The following DNAI4 variants were observed in gnomAD, a reference collection of about 807,000 sequenced individuals.
The protein encoded by DNAI4 is dynein axonemal intermediate chain 4.
DNAI4 carries 85 observed loss-of-function variants against 105.8 expected under a neutral mutation model. The ratio of observed to expected loss-of-function variants is 0.80; its 90% CI spans 0.67 to 0.96. The LOEUF (loss-of-function observed/expected upper bound fraction) is 0.96. DNAI4 is among the 40% of genes least tolerant of loss of function. The probability of loss-of-function intolerance (pLI) is 0.00; values close to 1 mark genes in which losing one functional copy is unlikely to be tolerated. For missense variants in DNAI4, 1,014 were observed against 1,005.6 expected (o/e 1.01, Z -0.11); for synonymous variants, 352 against 331.5 (o/e 1.06, Z -0.67).
At chr1:66,823,763 T>A (rs1645686390) in intron 15 of DNAI4, among the ~76,000 whole-genome samples, 1 of 149,300 alleles carries the variant, frequency 6.7e-6, no homozygotes, top group African/African-American at 2.5e-5. Context: ...GTTGTTTGTT[T>A]TTTTCTTGTA....
chr1:66,892,703 C>A (rs1255346982), intron 3 of DNAI4, among the ~76,000 whole-genome samples: 1 of 151,750 alleles, frequency 6.6e-6, no homozygotes, highest in Non-Finnish European at 1.5e-5. Flanking sequence ...GTCAGGAGTT[C>A]GAGATCAGTC....
At chr1:66,849,503 A>G (rs1275909446) in intron 7 of DNAI4, among the ~76,000 whole-genome samples, 1 of 152,206 alleles carries the variant, frequency 6.6e-6, no homozygotes, top group Non-Finnish European at 1.5e-5. Context: ...CCAGGTTTCA[A>G]TTGAAAGTCA....
Position 66,890,514 on chromosome 1 carries a change from G to T in DNAI4, c.643+640C>A, listed in dbSNP as rs185600310. 276 of 154,048 alleles carry T rather than the reference G, an allele frequency of 1.8e-3. 5 individuals are homozygous for T. The highest frequency in any genetic ancestry group is 4.9e-4 in the Non-Finnish European group (34 of 69,484). 9.5% of individuals were successfully genotyped at this position (154,048 alleles called of 1,614,324 possible). A position where few individuals can be genotyped will look rare whatever the true frequency, so the allele number is the denominator to read the frequency against. ...CTTGGGAGGCTGAGAGAGGAGAATT[G>T]CTTGAACCCAGGAGGCGGAGGTTGC... On this transcript the variant is annotated intron_variant, in intron 4 of 16. Transcript: ENST00000371026. The surrounding 1 kb of genome is among the most constrained non-coding windows in gnomAD (Gnocchi z 4.1).
At position 66,835,674 on chromosome 1, in the gene DNAI4, G is replaced by A. The variant is rs1427009415; in HGVS notation, c.1685C>T (p.Ala562Val). ...ACTGTTGCTCCGTACATTGTAAATT[G>A]CAATTGTGCCATTGTGATAGCCAAC... The part of the protein sequence containing the change: ...LAVGYHNGTI[A>V]IYNVRSNSNV... The change falls in exon 11 of 17, where the codon GCA becomes GTA. Residue 562 changes from alanine to valine, a missense_variant. By Grantham distance (64) the Ala-to-Val change is moderately conservative. Coordinates refer to ENST00000371026, the MANE Select transcript of DNAI4 (RefSeq NM_024763.5). 6 of 1,613,972 alleles carry A rather than the reference G, an allele frequency of 3.7e-6. No individual in the cohort carries two copies. In the East Asian group the frequency reaches 8.9e-5, roughly 24 times the overall value.
chr1:66,924,274 G>A (rs1441761416), intron 1 of DNAI4, among the ~76,000 whole-genome samples: 1 of 152,194 alleles, frequency 6.6e-6, no homozygotes, highest in Admixed American at 6.5e-5. Context: ...GGGTTCAAGG[G>A]ATTCTCCTGC....
chr1:66,847,462 C>T (rs1378214122), intron 8 of DNAI4, 22 bp downstream of exon 8: 1 of 1,605,672 alleles, frequency 6.2e-7, no homozygotes, highest in Non-Finnish European at 8.5e-7. Context: ...CCAGCCTAAA[C>T]ATGTTTATTT....
intron 7 of DNAI4, among the ~76,000 whole-genome samples, chr1:66,856,028 G>T (rs1184411268): frequency 3.3e-5 from 5 of 151,492 alleles, no homozygotes. Flanking sequence ...TAGAGATGGG[G>T]TTTTGCTATG....
At chr1:66,854,723 C>A (rs564015827) in intron 7 of DNAI4, among the ~76,000 whole-genome samples, 1 of 152,128 alleles carries the variant, frequency 6.6e-6, no homozygotes, top group African/African-American at 2.4e-5. Context: ...ATGGCTTGAA[C>A]CCGGGAGGAG....
chr1:66,882,522 C>A (rs987878406), intron 4 of DNAI4, among the ~76,000 whole-genome samples: 1 of 151,774 alleles, frequency 6.6e-6, no homozygotes, highest in Non-Finnish European at 1.5e-5. Flanking sequence ...CTCTCTCTCT[C>A]TCTTTTTTTT....
At chr1:66,833,768 T>C in intron 12 of DNAI4, 62 bp from the exon 13 acceptor site, 5 of 1,564,832 alleles carry the variant, frequency 3.2e-6, no homozygotes, top group Non-Finnish European at 4.3e-6. Context: ...ACCGCAAATA[T>C]CATGTGTGTT....
chr1:66,821,094 T>C (rs1487121318), intron 16 of DNAI4, among the ~76,000 whole-genome samples: 10 of 75,160 alleles, frequency 1.3e-4, no homozygotes, highest in African/African-American at 4.0e-4. Context: ...CATTTCTCTT[T>C]TTTTTTTTTT....
intron 13 of DNAI4, among the ~76,000 whole-genome samples, chr1:66,833,222 A>T (rs567861576): frequency 6.6e-6 from 1 of 152,216 alleles, no homozygotes; most frequent in Non-Finnish European, 1.5e-5. Flanking sequence ...TTTTAAAAAA[A>T]AGCTTTATTG....
intron 6 of DNAI4, among the ~76,000 whole-genome samples, chr1:66,866,794 T>A (rs966312233): frequency 6.6e-6 from 1 of 152,212 alleles, no homozygotes; most frequent in African/African-American, 2.4e-5. Context: ...GCAGTTGTAT[T>A]AGTCCATTTT....
rs567936166 is a variant in DNAI4, at chr1:66,887,898, G to A, written c.643+3256C>T. ...GGCCTGAACCCAGGAAGCAGAGGTTGTAGTGAGCCGAGATCGCACCACTGC... is the reference window on the plus strand; with the variant it reads ...GGCCTGAACCCAGGAAGCAGAGGTTATAGTGAGCCGAGATCGCACCACTGC... On this transcript the variant is annotated intron_variant, in intron 4 of 16. Coordinates refer to ENST00000371026, the MANE Select transcript of DNAI4 (RefSeq NM_024763.5). Among the ~76,000 whole-genome samples, 17 of 152,226 alleles carry A rather than the reference G, an allele frequency of 1.1e-4. No homozygotes were observed. In the South Asian group the frequency reaches 2.3e-3, roughly 20 times the overall value.
chr1:66,861,119 A>G (rs760037240), intron 7 of DNAI4, among the ~76,000 whole-genome samples: 3 of 152,182 alleles, frequency 2.0e-5, no homozygotes, highest in Non-Finnish European at 2.9e-5. Context: ...ATAGTCTCCT[A>G]AGGAAATGTA....
At chr1:66,833,546 T>C in intron 13 of DNAI4, 39 bp downstream of exon 13, 1 of 1,601,464 alleles carries the variant, frequency 6.2e-7, no homozygotes, top group Non-Finnish European at 8.5e-7. Flanking sequence ...TTTTTGGAAA[T>C]TGTTATGTCC....
In DNAI4 at chr1:66,826,951, A is replaced by C. The variant is rs756229556; in HGVS notation, c.2208T>G (p.Asn736Lys). 46 of 1,614,194 alleles carry C rather than the reference A, an allele frequency of 2.8e-5. No homozygotes were observed. The Middle Eastern group carries it at 9.9e-4, about 35-fold the overall frequency. The change falls in exon 15 of 17, where the codon AAT becomes AAG. Residue 736 changes from asparagine to lysine, a missense_variant. Physicochemically the swap from Asn to Lys is moderately conservative, Grantham distance 94. Coordinates refer to ENST00000371026, the MANE Select transcript of DNAI4 (RefSeq NM_024763.5). ...GATAAAAACTCAAAGATGGCTTGAC[A>C]TTCTCCTGTTGCCATATAATAACAC... ...DWGVIIWQQENVKPSLSFYPA... is the reference protein window; with the variant it reads ...DWGVIIWQQEKVKPSLSFYPA...
chr1:66,847,719 T>C (rs1312068553), intron 7 of DNAI4, 41 bp from the exon 8 acceptor site: 4 of 1,425,766 alleles, frequency 2.8e-6, no homozygotes, highest in Non-Finnish European at 3.9e-6. Context: ...AATATTCAAA[T>C]GGATGGTTCA....
rs562087222 is a variant in DNAI4, at chr1:66,829,889, A to G, written c.2014-1979T>C. Among the ~76,000 whole-genome samples the G allele has an allele frequency of 1.9e-4, 29 of 152,310 alleles. 1 individual carries two copies. The South Asian group carries it at 5.6e-3, about 29-fold the overall frequency. On this transcript the variant is annotated intron_variant, in intron 13 of 16. Coordinates refer to ENST00000371026, the MANE Select transcript of DNAI4 (RefSeq NM_024763.5). The stretch of plus-strand genomic sequence containing the variant: ...ATTTTCTCTAATTATGGTGGGATTG[A>G]ATTAGAAATTGGTAACAGAAAGAAC...
Sources: gnomAD v4.1 joint callset for allele counts (sites outside exome capture counted in the v4.1 genomes callset) on GRCh38, gnomAD v4.1.1 for gene constraint, Gnocchi (gnomAD v3.1) non-coding constraint, MANE v1.5 for transcripts, NCBI Gene and HGNC (gene_info 2026-07-23, HGNC 2026-07-21) for gene names.